L3MBTL1: variants seen among roughly 807,000 people sequenced by gnomAD.
The protein encoded by L3MBTL1 is L3MBTL histone methyl-lysine binding protein 1, also known as lethal(3)malignant brain tumor-like protein 1.
A neutral mutation model predicts 105.3 loss-of-function variants in L3MBTL1; 75 were observed. The ratio of observed to expected loss-of-function variants is 0.71; its 90% CI spans 0.59 to 0.86. L3MBTL1 has a LOEUF of 0.86. Ranked by LOEUF, L3MBTL1 falls within the 40% of genes least tolerant of loss-of-function variation. L3MBTL1 has a pLI of 0.00. For synonymous variants in L3MBTL1, 452 were observed against 436.2 expected (o/e 1.04, Z -0.45); for missense variants, 1,069 against 1,126.4 (o/e 0.95, Z 0.73).
intron 18 of L3MBTL1, among the ~76,000 whole-genome samples, chr20:43,547,102 C>CTTTTTTTTTTTTTTT (rs11478523): frequency 1.6e-5 from 2 of 122,646 alleles, no homozygotes; most frequent in Admixed American, 8.2e-5. Flanking sequence ...TTTTTAATGA[C>CTTTTTTTTTTTTTTT]TTTTTTTTTT....
intron 7 of L3MBTL1, chr20:43,523,285 C>T (rs1445923969): frequency 2.1e-5 from 4 of 194,866 alleles, no homozygotes; most frequent in East Asian, 1.2e-4. Flanking sequence ...CCAAGCTTGG[C>T]GACCATCAGC....
At chr20:43,548,003 C>A in intron 18 of L3MBTL1, 1 of 600,556 alleles carries the variant, frequency 1.7e-6, no homozygotes. Context: ...ATCCTTTACT[C>A]CTACTCCCCT....
Position 43,529,255 on chromosome 20 carries a change from C to T in L3MBTL1, c.952-9C>T, listed in dbSNP as rs1264035601. On this transcript the variant is annotated splice_polypyrimidine_tract_variant and intron_variant, in intron 8 of 21. Transcript: ENST00000418998. ...GAAGCTGGGTCCTCTCCACTCTGTG[C>T]GTTGACAGTCCCAGGCAGTCACTCA... 3.1e-6 allele frequency: 5 copies of T among 1,596,274 alleles called. No homozygotes were observed. Among genetic ancestry groups the T allele is most frequent in the Admixed American group, 1.7e-5 (1 of 59,058 alleles).
intron 6 of L3MBTL1, 100 bp from the exon 7 acceptor site, chr20:43,515,993 A>G (rs912609049): frequency 1.2e-6 from 1 of 864,214 alleles, no homozygotes; most frequent in African/African-American, 1.7e-5. Flanking sequence ...GGGGCAGAAC[A>G]CCACATGGCC....
At chr20:43,539,640 G>C (rs2019803262) in intron 19 of L3MBTL1, 1 of 231,640 alleles carries the variant, frequency 4.3e-6, no homozygotes, top group Non-Finnish European at 8.6e-6. Flanking sequence ...AATGGCAGTG[G>C]CCAGAGGGGT....
Position 43,515,052 on chromosome 20 carries a change from CCCAGAGGATGATAGCA to C in L3MBTL1, c.549_564del (p.Glu184ValfsTer33). 2 of 1,614,126 alleles carry C rather than the reference CCCAGAGGATGATAGCA, an allele frequency of 1.2e-6. No individual in the cohort carries two copies. Among genetic ancestry groups the C allele is most frequent in the Non-Finnish European group, 1.7e-6 (2 of 1,179,966 alleles). On this transcript the variant is annotated frameshift_variant, in exon 5 of 22. Transcript: ENST00000418998. LOFTEE classifies it high-confidence loss of function. The stretch of plus-strand genomic sequence containing the variant: ...CTCCAGAAGATCCCAATCAGGACCC[CCCAGAGGATGATAGCA>C]CCTGTCAGTGCCAGGCGTGCGGGCC...
At chr20:43,532,979 C>T in intron 12 of L3MBTL1, 55 bp downstream of exon 12, 1 of 1,579,056 alleles carries the variant, frequency 6.3e-7, no homozygotes, top group Admixed American at 1.7e-5. Context: ...CAGGGGGCAA[C>T]TGCTTTCATA....
intron 7 of L3MBTL1, among the ~76,000 whole-genome samples, chr20:43,525,998 C>T (rs987833092): frequency 6.6e-6 from 1 of 152,110 alleles, no homozygotes; most frequent in African/African-American, 2.4e-5. Flanking sequence ...GAAGATAGTA[C>T]AGGCCCAGGG....
rs1374478815 is a variant in L3MBTL1 at position 43,535,828 on chromosome 20, C to T, written c.1826-9C>T. ...CTCCATGAGGACCGCCTCCTTTCTG[C>T]TCTTTTAGGACCCAGAGAGCCCAGC... On this transcript the variant is annotated splice_polypyrimidine_tract_variant and intron_variant, in intron 16 of 21. Coordinates refer to ENST00000418998, the MANE Select transcript of L3MBTL1 (RefSeq NM_001377303.1). 1.3e-6 allele frequency: 2 copies of T among 1,563,078 alleles called. No homozygotes were observed. The highest frequency in any genetic ancestry group is 2.0e-5 in the Admixed American group (1 of 49,488).
intron 7 of L3MBTL1, among the ~76,000 whole-genome samples, chr20:43,525,748 C>T (rs149884066): frequency 2.3e-4 from 35 of 152,106 alleles, no homozygotes; most frequent in African/African-American, 7.7e-4. Flanking sequence ...ATCTTGTCCT[C>T]ACCCGTGAAA....
chr20:43,550,697 G>C (rs907779755), exon 19 of L3MBTL1: 3 of 152,154 alleles, frequency 2.0e-5, no homozygotes, highest in African/African-American at 4.8e-5. Flanking sequence ...GGACCTTTCT[G>C]TTTATTTTCT....
Position 43,535,935 on chromosome 20 carries a change from CGGTGAGTGAAGGTTCCT to C in L3MBTL1, c.1925+6_1925+22del. 1.2e-6 allele frequency: 2 copies of C among 1,609,950 alleles called. No homozygotes were observed. Among genetic ancestry groups the C allele is most frequent in the Non-Finnish European group, 1.7e-6 (2 of 1,176,868 alleles). On this transcript the variant is annotated splice_donor_variant and splice_donor_5th_base_variant and coding_sequence_variant and intron_variant, in exon 17 of 22. Coordinates refer to ENST00000418998, the MANE Select transcript of L3MBTL1 (RefSeq NM_001377303.1). LOFTEE classifies it high-confidence loss of function. ...GACCTCCAAATACAGCTTTCACCAC[CGGTGAGTGAAGGTTCCT>C]GGTGAGAGACCCTCAGCGTTGTTTT...
intron 9 of L3MBTL1, 32 bp from the exon 10 acceptor site, chr20:43,530,252 A>G (rs768074537): frequency 6.2e-7 from 1 of 1,613,238 alleles, no homozygotes; most frequent in Non-Finnish European, 8.5e-7. Flanking sequence ...ATCTCCTGAC[A>G]TTGGAGTTCC....
chr20:43,523,620 C>T (rs959972236), intron 7 of L3MBTL1: 3 of 215,058 alleles, frequency 1.4e-5, no homozygotes, highest in Admixed American at 1.3e-4. Context: ...TATAGCAGGC[C>T]TGCATTTGCA....
At position 43,516,079 on chromosome 20, in the gene L3MBTL1, C is replaced by G; in HGVS notation, c.778-14C>G. On this transcript the variant is annotated splice_polypyrimidine_tract_variant and intron_variant, in intron 6 of 21. Transcript: ENST00000418998. ...ATGAGGAGAAGAAGCTGGGATCAGG[C>G]TTGCCTTCTACAGGAGAAGCAAGAA... is the stretch of plus-strand genomic sequence containing the variant. 1 of 1,604,464 alleles carries G rather than the reference C, an allele frequency of 6.2e-7. No individual in the cohort carries two copies. The highest frequency in any genetic ancestry group is 1.1e-5 in the South Asian group (1 of 90,866).
At chr20:43,542,611 C>CAAAAAAAAAAAAAAAAAAAAAAAA (rs5841503), downstream of L3MBTL1, among the ~76,000 whole-genome samples, 1 of 112,668 alleles carries the variant, frequency 8.9e-6, no homozygotes, top group Non-Finnish European at 1.8e-5. Flanking sequence ...AAAAATTTAA[C>CAAAAAAAAAAAAAAAAAAAAAAAA]AAAAAAAAAA....
In L3MBTL1 at chr20:43,513,978, G is replaced by C; in HGVS notation, c.277G>C (p.Gly93Arg). The change falls in exon 3 of 22, where the codon GGG becomes CGG. Residue 93 changes from glycine to arginine, a missense_variant. By Grantham distance (125) the Gly-to-Arg change is moderately radical. Coordinates refer to ENST00000418998, the MANE Select transcript of L3MBTL1 (RefSeq NM_001377303.1). ...CACCGTCCTGCCGCAGCTTAGCGCC[G>C]GGCCGGCCAGCTCCAGCACCAGCAC... is the stretch of plus-strand genomic sequence containing the variant. ...SATVLPQLSA[G>R]PASSSTSTVR... The C allele has an allele frequency of 6.5e-7, 1 of 1,546,430 alleles. No homozygotes were observed. Among genetic ancestry groups the C allele is most frequent in the Non-Finnish European group, 8.7e-7 (1 of 1,146,900 alleles).
chr20:43,530,163 G>A (rs1426733308), intron 9 of L3MBTL1, 121 bp from the exon 10 acceptor site: 1 of 1,232,664 alleles, frequency 8.1e-7, no homozygotes, highest in African/African-American at 1.5e-5. Flanking sequence ...GAAAGGTGGG[G>A]TTGGGGAACC....
At chr20:43,530,671 TG>T in intron 10 of L3MBTL1, 126 bp from the exon 11 acceptor site, 1 of 914,382 alleles carries the variant, frequency 1.1e-6, no homozygotes, top group Non-Finnish European at 1.7e-6. Flanking sequence ...GGGGAATCCC[TG>T]GGCAAGTTCT....
Sources: gnomAD v4.1 joint callset for allele counts (sites outside exome capture counted in the v4.1 genomes callset) on GRCh38, gnomAD v4.1.1 for gene constraint, MANE v1.5 for transcripts, NCBI Gene and HGNC (gene_info 2026-07-23, HGNC 2026-07-21) for gene names.